The following CES1 variants were observed in gnomAD, a reference collection of about 807,000 sequenced individuals.
The protein encoded by CES1 is liver carboxylesterase 1.
CES1 carries 50 observed loss-of-function variants against 53.0 expected under a neutral mutation model. The observed-to-expected ratio is 0.94, with a 90% CI of 0.75 to 1.19. The LOEUF is 1.19. Among genes scored for constraint, CES1 ranks in the 50% most tolerant of loss-of-function variants. The pLI, the probability that CES1 is intolerant of heterozygous loss-of-function variation, is 0.00. For missense variants in CES1, 534 were observed against 538.0 expected, an observed-to-expected ratio of 0.99 and a Z score of 0.07; for synonymous variants, 202 against 210.1, an observed-to-expected ratio of 0.96 and a Z score of 0.33.
intron 1 of CES1, among the ~76,000 whole-genome samples, chr16:55,831,053 G>T (rs1455130821): frequency 6.6e-6 from 1 of 152,190 alleles, no homozygotes; most frequent in African/African-American, 2.4e-5. Flanking sequence ...AAGCTGGAAG[G>T]AAGCCTGGTG....
At chr16:55,813,211 G>A (rs1417196316) in intron 8 of CES1, among the ~76,000 whole-genome samples, 168 bp from the exon 9 acceptor site, 7 of 152,164 alleles carry the variant, frequency 4.6e-5, no homozygotes, top group Non-Finnish European at 8.8e-5. Context: ...ATGACTCAGG[G>A]GCAGAACTTC....
chr16:55,809,093 CAAAAAAAA>C (rs376932562), intron 11 of CES1, among the ~76,000 whole-genome samples: 1 of 72,068 alleles, frequency 1.4e-5, no homozygotes, highest in Non-Finnish European at 2.6e-5. Flanking sequence ...GTAGTCCTGG[CAAAAAAAA>C]AAAAAAAAAA....
At chr16:55,829,454 A>G (rs1264023752) in intron 1 of CES1, among the ~76,000 whole-genome samples, 2 of 152,264 alleles carry the variant, frequency 1.3e-5, no homozygotes, top group Non-Finnish European at 2.9e-5. Context: ...TCTAGGAATT[A>G]GAAGAGGGGG....
intron 7 of CES1, among the ~76,000 whole-genome samples, chr16:55,818,811 G>A (rs1356644388): frequency 1.3e-5 from 2 of 151,728 alleles, no homozygotes; most frequent in Admixed American, 6.6e-5. Flanking sequence ...TGAATTGAAT[G>A]GATACATGAA....
At chr16:55,821,549 G>A (rs779763966) in intron 4 of CES1, 28 bp from the exon 5 acceptor site, 101 of 1,613,942 alleles carry the variant, frequency 6.3e-5, no homozygotes, top group Non-Finnish European at 8.4e-5. Context: ...GGTTGAGGGT[G>A]GGGAGCAGAG....
chr16:55,825,090 G>A (rs560209851), intron 3 of CES1, among the ~76,000 whole-genome samples: 3 of 152,310 alleles, frequency 2.0e-5, no homozygotes, highest in South Asian at 2.1e-4. Flanking sequence ...TTGAAGGCAG[G>A]GGCTGTGTGG....
intron 8 of CES1, among the ~76,000 whole-genome samples, chr16:55,815,545 A>G (rs1195863873): frequency 6.6e-6 from 1 of 152,308 alleles, no homozygotes; most frequent in Admixed American, 6.5e-5. Flanking sequence ...GTGTGGGCAC[A>G]ACCTTGTTGT....
At position 55,829,509 on chromosome 16, in the gene CES1, G is replaced by A. The variant is rs187492150; in HGVS notation, c.53-535C>T. Reference sequence around the variant, plus strand: ...GCATCATGGAGGAGCTGGGACTTGCGGCAGGGGAGGACTGAATGAGGGGAG... The same window carrying A: ...GCATCATGGAGGAGCTGGGACTTGCAGCAGGGGAGGACTGAATGAGGGGAG... On this transcript the variant is annotated intron_variant, in intron 1 of 13. Coordinates refer to ENST00000360526, the MANE Select transcript of CES1 (RefSeq NM_001025195.2). 4.3e-4 allele frequency among the ~76,000 whole-genome samples: 65 copies of A among 152,296 alleles called. No individual in the cohort carries two copies. In the East Asian group the frequency reaches 6.0e-3, roughly 14 times the overall value.
chr16:55,816,314 TAA>T (rs1290398693), intron 8 of CES1, among the ~76,000 whole-genome samples: 18 of 151,842 alleles, frequency 1.2e-4, no homozygotes, highest in Non-Finnish European at 2.1e-4. Flanking sequence ...AAGTGTTTAT[TAA>T]GTCTTTGCTG....
chr16:55,822,062 A>C (rs570002924), intron 4 of CES1, among the ~76,000 whole-genome samples: 4 of 152,382 alleles, frequency 2.6e-5, no homozygotes, highest in African/African-American at 9.6e-5. Context: ...TTCCAGGCAG[A>C]AGAAAAAGCA....
chr16:55,817,788 G>C (rs2032008328), intron 7 of CES1, among the ~76,000 whole-genome samples: 1 of 152,010 alleles, frequency 6.6e-6, no homozygotes, highest in Admixed American at 6.6e-5. Flanking sequence ...CTGTGTGTCT[G>C]CATGTGTGTG....
chr16:55,819,173 T>C (rs1376046370), intron 7 of CES1, among the ~76,000 whole-genome samples: 1 of 152,256 alleles, frequency 6.6e-6, no homozygotes, highest in Non-Finnish European at 1.5e-5. Context: ...AGATAAATTG[T>C]GACATCTTTC....
Position 55,828,841 on chromosome 16 carries a change from T to A in CES1, c.186A>T (p.Gly62=). Residue 62 remains glycine (G), a synonymous_variant, in exon 2 of 14, where the codon GGA becomes GGT. Coordinates refer to ENST00000360526, the MANE Select transcript of CES1 (RefSeq NM_001025195.2). ...GCTGCGGTGGAGTAAACCTCAGGGG[T>A]CCAAGAGGCGGCTTGGCAAAAGGGA... The part of the protein sequence containing the change: ...LGIPFAKPPL[G]PLRFTPPQPA... 2 of 1,614,288 alleles carry A rather than the reference T, an allele frequency of 1.2e-6. No homozygotes were observed. Among genetic ancestry groups the A allele is most frequent in the Admixed American group, 1.7e-5 (1 of 60,036 alleles).
intron 4 of CES1, among the ~76,000 whole-genome samples, chr16:55,822,596 G>A (rs1402719587): frequency 2.4e-4 from 36 of 152,076 alleles, no homozygotes; most frequent in African/African-American, 8.7e-4. Flanking sequence ...AGCCAGGGGT[G>A]GGGAGGAGGG....
At chr16:55,824,641 T>A (rs1394944079) in intron 3 of CES1, among the ~76,000 whole-genome samples, 4 of 152,244 alleles carry the variant, frequency 2.6e-5, no homozygotes, top group South Asian at 2.1e-4. Context: ...CATGTTGAGC[T>A]GCCCAGCACA....
chr16:55,824,697 G>A (rs1338629176), intron 3 of CES1, among the ~76,000 whole-genome samples: 1 of 152,222 alleles, frequency 6.6e-6, no homozygotes, highest in African/African-American at 2.4e-5. Flanking sequence ...TTAGGGCAGG[G>A]GTATGAGCCT....
At chr16:55,824,964 C>T (rs759207032) in intron 3 of CES1, among the ~76,000 whole-genome samples, 19 of 152,206 alleles carry the variant, frequency 1.2e-4, no homozygotes, top group Non-Finnish European at 2.1e-4. Flanking sequence ...CCCTGCCTGC[C>T]TCCTGGGGAG....
chr16:55,820,630 T>C lies in CES1; in HGVS notation c.694-151A>G, dbSNP rs564310220. On this transcript the variant is annotated intron_variant, in intron 5 of 13. Coordinates refer to ENST00000360526, the MANE Select transcript of CES1 (RefSeq NM_001025195.2). ...TGACCCTCTGCCCACCTCAAGGAGG[T>C]GGAAGTCTTCCTACAGCTCCCAGCA... The C allele has an allele frequency of 7.5e-4, 1,020 of 1,353,680 alleles. 2 individuals carry two copies. Among genetic ancestry groups the C allele is most frequent in the Non-Finnish European group, 9.2e-4 (886 of 966,594 alleles). 83.9% of individuals were successfully genotyped at this position (1,353,680 alleles called of 1,614,324 possible). A position where few individuals can be genotyped will look rare whatever the true frequency, so the allele number is the denominator to read the frequency against.
intron 2 of CES1, among the ~76,000 whole-genome samples, chr16:55,826,515 C>G (rs1243875000): frequency 1.1e-4 from 16 of 152,210 alleles, no homozygotes; most frequent in African/African-American, 3.1e-4. Context: ...GGGCTTCACA[C>G]CTCTTCCCTT....
Sources: allele counts gnomAD v4.1 joint callset (sites outside exome capture counted in the v4.1 genomes callset), GRCh38; gene constraint gnomAD v4.1.1; transcripts MANE v1.5; gene names NCBI Gene and HGNC (gene_info 2026-07-23, HGNC 2026-07-21).